Variants in ANKRD30A observed in about 807,000 individuals in gnomAD.
ANKRD30A encodes the protein ankyrin repeat domain-containing protein 30A.
ANKRD30A carries 170 observed loss-of-function variants against 166.3 expected under a neutral mutation model. The observed-to-expected ratio is 1.02, with a 90% CI of 0.90 to 1.16. The LOEUF is 1.16. ANKRD30A is among the 50% of genes most tolerant of loss of function. ANKRD30A has a pLI of 0.00. For synonymous variants in ANKRD30A, 564 were observed against 508.9 expected, an observed-to-expected ratio of 1.11 and a Z score of -1.46; for missense variants, 1,630 against 1,518.0, an observed-to-expected ratio of 1.07 and a Z score of -1.23.
chr10:37,147,702 A>G, intron 9 of ANKRD30A, among the ~76,000 whole-genome samples: 1 of 152,236 alleles, frequency 6.6e-6, no homozygotes, highest in East Asian at 1.9e-4. Context: ...GAAAGTCAGG[A>G]AACAAGTAAG....
chr10:37,221,232 G>A (rs1588952458), intron 34 of ANKRD30A, among the ~76,000 whole-genome samples: 1 of 151,000 alleles, frequency 6.6e-6, no homozygotes, highest in African/African-American at 2.4e-5. Flanking sequence ...AAGAAAATAA[G>A]CTGAATCAAT....
chr10:37,192,384 T>G (rs1036592559), intron 25 of ANKRD30A, among the ~76,000 whole-genome samples: 46 of 152,010 alleles, frequency 3.0e-4, no homozygotes, highest in African/African-American at 1.1e-3. Flanking sequence ...CCTTTTTGTA[T>G]AAGTGGATCA....
chr10:37,217,574 A>C, intron 32 of ANKRD30A, 121 bp from the exon 33 acceptor site: 1 of 787,000 alleles, frequency 1.3e-6, no homozygotes, highest in Non-Finnish European at 1.8e-6. Context: ...ACTAGGAAGA[A>C]AAAAATTCAA....
chr10:37,193,896 TACA>T (rs1438202051), intron 27 of ANKRD30A, among the ~76,000 whole-genome samples: 2 of 152,160 alleles, frequency 1.3e-5, no homozygotes, highest in African/African-American at 4.8e-5. Flanking sequence ...CGTGAACGTT[TACA>T]ACATTTTACA....
chr10:37,238,504 A>T, the ANKRD30A span, among the ~76,000 whole-genome samples: 1 of 152,144 alleles, frequency 6.6e-6, no homozygotes, highest in African/African-American at 2.4e-5. Flanking sequence ...AGGGTAAAAA[A>T]TGGCGTCACT....
At position 37,219,276 on chromosome 10, in the gene ANKRD30A, A is replaced by C. The variant is rs781096116; in HGVS notation, c.3564A>C (p.Lys1188Asn). The C allele has an allele frequency of 1.2e-5, 19 of 1,610,366 alleles. No homozygotes were observed. In the East Asian group the frequency reaches 4.0e-4, roughly 34 times the overall value. ...LTSKLKEKQDKEILEAEIESH... is the reference protein window; with the variant it reads ...LTSKLKEKQDNEILEAEIESH... The stretch of plus-strand genomic sequence containing the variant: ...CTAAATTGAAGGAAAAACAAGACAA[A>C]GAAATACTAGAGGCAGAAATTGAAT... Residue 1188 changes from lysine to asparagine, a missense_variant, in exon 34 of 36, where the codon AAA becomes AAC. Lys to Asn is a moderately conservative substitution (Grantham distance 94). This residue lies in a region of ANKRD30A where 712 missense variants were observed against 629.3 expected (regional missense o/e 1.13). Transcript: ENST00000361713.
At chr10:37,167,737 T>G (rs1839475671) in intron 19 of ANKRD30A, among the ~76,000 whole-genome samples, 1 of 151,566 alleles carries the variant, frequency 6.6e-6, no homozygotes, top group African/African-American at 2.4e-5. Flanking sequence ...TATATGGGTA[T>G]GAAAATCAAG....
In ANKRD30A at chr10:37,225,676, C is replaced by A. The variant is rs1273568916; in HGVS notation, c.4185+5779C>A. On this transcript the variant is annotated intron_variant, in intron 34 of 35. Transcript: ENST00000361713. ...GGAAAGAATACATTTTTAATATGTTCTTTTTCTATAAGGCGGGCATACTGC... is the reference window on the plus strand; with the variant it reads ...GGAAAGAATACATTTTTAATATGTTATTTTTCTATAAGGCGGGCATACTGC... 2.0e-5 allele frequency among the ~76,000 whole-genome samples: 3 copies of A among 151,532 alleles called. No homozygotes were observed. In the Admixed American group the frequency reaches 2.0e-4, roughly 10 times the overall value.
In ANKRD30A at chr10:37,125,682, G is replaced by C. The variant is rs1214137400; in HGVS notation, c.-106G>C. On this transcript the variant is annotated 5_prime_UTR_variant, in exon 1 of 36. Coordinates refer to ENST00000361713, the MANE Select transcript of ANKRD30A (RefSeq NM_052997.3). Reference sequence around the variant, plus strand: ...CAGAACTTTTTACGGGTATCGAGGCGGTGCGTGGACTGAAGAAGGGCGAGG... The same window carrying C: ...CAGAACTTTTTACGGGTATCGAGGCCGTGCGTGGACTGAAGAAGGGCGAGG... 2.1e-6 allele frequency: 1 copy of C among 479,514 alleles called. No individual in the cohort carries two copies. Among genetic ancestry groups the C allele is most frequent in the African/African-American group, 1.9e-5 (1 of 51,306 alleles). 29.7% of individuals were successfully genotyped at this position (479,514 alleles called of 1,614,324 possible).
At position 37,209,825 on chromosome 10, in the gene ANKRD30A, TA is replaced by T. The variant is rs946681682; in HGVS notation, c.2870-6355del. ...TTAACTATTTTTTCTTGAGATATTATATTTTTTTTGACACTGACTAGATCTT... is the reference window on the plus strand; with the variant it reads ...TTAACTATTTTTTCTTGAGATATTATTTTTTTTTGACACTGACTAGATCTT... On this transcript the variant is annotated intron_variant, in intron 31 of 35. Transcript: ENST00000361713. Among the ~76,000 whole-genome samples, 26 of 152,238 alleles carry T rather than the reference TA, an allele frequency of 1.7e-4. No homozygotes were observed. In the South Asian group the frequency reaches 1.9e-3, roughly 11 times the overall value.
At chr10:37,246,990 G>A in the ANKRD30A span, among the ~76,000 whole-genome samples, 1 of 152,148 alleles carries the variant, frequency 6.6e-6, no homozygotes, top group Non-Finnish European at 1.5e-5. Context: ...GGAGACCGAG[G>A]TGGGTGGATC....
chr10:37,191,187 C>T (rs1409729497), intron 25 of ANKRD30A, among the ~76,000 whole-genome samples: 1 of 151,838 alleles, frequency 6.6e-6, no homozygotes, highest in African/African-American at 2.4e-5. Flanking sequence ...TGTACATCTT[C>T]CTCCATGAGT....
intron 1 of ANKRD30A, among the ~76,000 whole-genome samples, chr10:37,129,663 A>G (rs1356484254): frequency 2.0e-5 from 3 of 152,228 alleles, no homozygotes; most frequent in African/African-American, 4.8e-5. Flanking sequence ...TTCAAGCCCG[A>G]GTTGAACTGA....
chr10:37,230,746 A>G (rs1415984060), intron 34 of ANKRD30A, among the ~76,000 whole-genome samples: 2 of 152,060 alleles, frequency 1.3e-5, no homozygotes, highest in African/African-American at 4.8e-5. Flanking sequence ...AGTTTTTTTC[A>G]TTCTTTATAA....
the ANKRD30A span, among the ~76,000 whole-genome samples, chr10:37,241,705 A>C: frequency 6.6e-6 from 1 of 152,182 alleles, no homozygotes; most frequent in South Asian, 2.1e-4. Flanking sequence ...TGCAATTGAC[A>C]CCATACCATC....
rs201299773 is a variant in ANKRD30A at position 37,125,997 on chromosome 10, C to T, written c.210C>T (p.Asp70=). The change falls in exon 1 of 36, where the codon GAC becomes GAT. Residue 70 remains aspartate, a synonymous_variant. Transcript: ENST00000361713. ...RKKTINLNIQ[D]AQKRTALHWA... ...AGACCATCAACCTTAATATACAAGACGCCCAGAAGAGGTACCAGGCCCTGC... is the reference window on the plus strand; with the variant it reads ...AGACCATCAACCTTAATATACAAGATGCCCAGAAGAGGTACCAGGCCCTGC... The T allele has an allele frequency of 1.2e-4, 199 of 1,611,954 alleles. No homozygotes were observed. In the African/African-American group the frequency reaches 2.0e-3, roughly 17 times the overall value.
chr10:37,127,588 T>C (rs1299706360), intron 1 of ANKRD30A, among the ~76,000 whole-genome samples: 3 of 152,292 alleles, frequency 2.0e-5, no homozygotes, highest in East Asian at 3.9e-4. Context: ...AAAAACCCTC[T>C]AATTTAAAAT....
chr10:37,199,887 AC>A (rs1344937120), intron 30 of ANKRD30A, 99 bp downstream of exon 30: 1 of 638,254 alleles, frequency 1.6e-6, no homozygotes, highest in Non-Finnish European at 2.7e-6. Flanking sequence ...TGCATATGTC[AC>A]CCGCAAATTA....
At chr10:37,200,668 T>A (rs1316258362) in intron 30 of ANKRD30A, among the ~76,000 whole-genome samples, 1 of 152,136 alleles carries the variant, frequency 6.6e-6, no homozygotes, top group East Asian at 1.9e-4. Context: ...AGCACTTTTT[T>A]ATCACCATAA....
Sources: allele counts gnomAD v4.1 joint callset (sites outside exome capture counted in the v4.1 genomes callset), GRCh38; gene constraint gnomAD v4.1.1; regional missense constraint gnomAD v4.1.1; transcripts MANE v1.5; gene names NCBI Gene and HGNC (gene_info 2026-07-23, HGNC 2026-07-21).